ST6GALNAC5: variants seen among roughly 807,000 people sequenced by gnomAD.
ST6GALNAC5 encodes the protein ST6 N-acetylgalactosaminide alpha-2,6-sialyltransferase 5, also known as alpha-N-acetylgalactosaminide alpha-2,6-sialyltransferase 5.
In ST6GALNAC5, 27 loss-of-function variants were observed where a neutral mutation model predicts 33.6. The ratio of observed to expected loss-of-function variants is 0.80; its 90% CI spans 0.59 to 1.11. The LOEUF (loss-of-function observed/expected upper bound fraction) is 1.11, where lower values mean the gene tolerates loss of function less well. Ranked by LOEUF, ST6GALNAC5 falls within the 50% of genes least tolerant of loss-of-function variation. ST6GALNAC5 has a pLI of 0.00. For missense variants in ST6GALNAC5, 428 were observed against 454.0 expected, an observed-to-expected ratio of 0.94 and a Z score of 0.52; for synonymous variants, 194 against 171.2, an observed-to-expected ratio of 1.13 and a Z score of -1.04.
chr1:76,914,356 G>A (rs1024465146), intron 2 of ST6GALNAC5, among the ~76,000 whole-genome samples: 6 of 152,038 alleles, frequency 3.9e-5, no homozygotes, highest in Admixed American at 2.0e-4. Flanking sequence ...AGTTCATGTG[G>A]AACCAAAAAA....
intron 3 of ST6GALNAC5, among the ~76,000 whole-genome samples, chr1:77,047,396 A>G (rs1385124832): frequency 6.6e-6 from 1 of 152,232 alleles, no homozygotes; most frequent in Non-Finnish European, 1.5e-5. Context: ...TTCAAACCCA[A>G]CAAAACAGTA....
chr1:77,031,649 G>C (rs1402459215), intron 2 of ST6GALNAC5, among the ~76,000 whole-genome samples: 1 of 152,154 alleles, frequency 6.6e-6, no homozygotes, highest in Non-Finnish European at 1.5e-5. Flanking sequence ...GGATAGTTTT[G>C]TCTCTTGCTC....
chr1:76,895,301 A>G (rs890604651), intron 2 of ST6GALNAC5, among the ~76,000 whole-genome samples: 34 of 151,922 alleles, frequency 2.2e-4, no homozygotes, highest in African/African-American at 7.5e-4. Flanking sequence ...TGGGGGGGTG[A>G]TATGGAGAGA....
chr1:77,016,515 A>G (rs1286634135), intron 2 of ST6GALNAC5, among the ~76,000 whole-genome samples: 1 of 151,852 alleles, frequency 6.6e-6, no homozygotes, highest in African/African-American at 2.4e-5. Flanking sequence ...GCACACTCAA[A>G]CATCCCCCAA....
intron 2 of ST6GALNAC5, among the ~76,000 whole-genome samples, chr1:76,902,038 A>G (rs79182013): frequency 0.023 from 3,550 of 152,206 alleles, 72 homozygotes; most frequent in Non-Finnish European, 0.037. Context: ...AAAATGATAC[A>G]TTGAGATCAT....
At chr1:76,965,875 A>G (rs1383757308) in intron 2 of ST6GALNAC5, among the ~76,000 whole-genome samples, 2 of 152,096 alleles carry the variant, frequency 1.3e-5, no homozygotes, top group Non-Finnish European at 2.9e-5. Context: ...ATCCTTTCCC[A>G]TTTCTTGCTT....
chr1:76,897,876 G>A (rs1160158768), intron 2 of ST6GALNAC5, among the ~76,000 whole-genome samples: 1 of 152,166 alleles, frequency 6.6e-6, no homozygotes, highest in Admixed American at 6.5e-5. Flanking sequence ...AGTTATAGAG[G>A]CAAGGGAAAC....
At chr1:77,052,063 T>C (rs1652238001) in intron 4 of ST6GALNAC5, among the ~76,000 whole-genome samples, 1 of 152,148 alleles carries the variant, frequency 6.6e-6, no homozygotes, top group Non-Finnish European at 1.5e-5. Flanking sequence ...AACAAAGAAA[T>C]TAAGATAATG....
rs1310139187 is a variant in ST6GALNAC5 at position 77,044,533 on chromosome 1, C to G, written c.591C>G (p.Pro197=). The G allele has an allele frequency of 6.2e-7, 1 of 1,609,360 alleles. No individual in the cohort carries two copies. The highest frequency in any genetic ancestry group is 1.1e-5 in the South Asian group (1 of 90,492). Residue 197 remains proline (P), a synonymous_variant, in exon 3 of 5, where the codon CCC becomes CCG. Coordinates refer to ENST00000477717, the MANE Select transcript of ST6GALNAC5 (RefSeq NM_030965.3). ...TGCATCTCCTGAGCCAGGTGCTGCC[C>G]CGGCTGAAGGCCTTCATGATTACTC... ...NNLHLLSQVL[P]RLKAFMITRH...
At chr1:76,961,341 C>T (rs1397791154) in intron 2 of ST6GALNAC5, among the ~76,000 whole-genome samples, 5 of 152,112 alleles carry the variant, frequency 3.3e-5, no homozygotes, top group Non-Finnish European at 5.9e-5. Context: ...AGCTATCCTG[C>T]TTACAATTGT....
rs560627317 is a variant in ST6GALNAC5 at position 76,951,390 on chromosome 1, C to T, written c.261+82648C>T. 5.3e-5 allele frequency among the ~76,000 whole-genome samples: 8 copies of T among 152,164 alleles called. No homozygotes were observed. The East Asian group carries it at 5.8e-4, about 11-fold the overall frequency. The stretch of plus-strand genomic sequence containing the variant: ...GTGTCAAGGACAGAAAACCAAACAC[C>T]GCACATTCTCACTCATAAGTGGGAG... On this transcript the variant is annotated intron_variant, in intron 2 of 4. Coordinates refer to ENST00000477717, the MANE Select transcript of ST6GALNAC5 (RefSeq NM_030965.3).
intron 4 of ST6GALNAC5, among the ~76,000 whole-genome samples, chr1:77,056,640 G>A (rs866736763): frequency 9.2e-5 from 14 of 152,320 alleles, no homozygotes; most frequent in Middle Eastern, 3.4e-3. Flanking sequence ...ACAGTCCACC[G>A]GGTAGAATCG....
Position 77,016,194 on chromosome 1 carries a change from G to C in ST6GALNAC5, c.262-28010G>C, listed in dbSNP as rs112872737. Among the ~76,000 whole-genome samples the C allele has an allele frequency of 3.4e-3, 54 of 16,096 alleles. 11 individuals are homozygous for C. The highest frequency in any genetic ancestry group is 4.1e-3 in the Non-Finnish European group (38 of 9,380). The allele number at this position is 16,096 out of a possible 152,430, so 10.6% of individuals were successfully genotyped here. On this transcript the variant is annotated intron_variant, in intron 2 of 4. Coordinates refer to ENST00000477717, the MANE Select transcript of ST6GALNAC5 (RefSeq NM_030965.3). ...CTCCTGTCCTCCCCCTCCTCCTCCT[G>C]TATCTCCTCCCCCTCCTCCTCCTGT... is the stretch of plus-strand genomic sequence containing the variant.
At chr1:77,043,860 G>T (rs889980264) in intron 2 of ST6GALNAC5, among the ~76,000 whole-genome samples, 2 of 152,180 alleles carry the variant, frequency 1.3e-5, no homozygotes, top group Admixed American at 6.5e-5. Flanking sequence ...GGACAAATTT[G>T]TTAACATCTC....
intron 2 of ST6GALNAC5, among the ~76,000 whole-genome samples, chr1:76,884,912 G>C (rs1364135434): frequency 6.6e-6 from 1 of 152,080 alleles, no homozygotes; most frequent in African/African-American, 2.4e-5. Flanking sequence ...CTTTTTTCTG[G>C]AATAAGAACT....
intron 2 of ST6GALNAC5, among the ~76,000 whole-genome samples, chr1:76,978,998 A>T (rs1168423171): frequency 6.6e-6 from 1 of 152,198 alleles, no homozygotes; most frequent in Non-Finnish European, 1.5e-5. Context: ...TCTCTGAAAA[A>T]GAAATCAAGA....
At chr1:77,058,245 C>T (rs531166713) in intron 4 of ST6GALNAC5, among the ~76,000 whole-genome samples, 8 of 152,344 alleles carry the variant, frequency 5.3e-5, no homozygotes, top group African/African-American at 1.7e-4. Context: ...TCCTCGTCTG[C>T]AGAGTAGGGG....
At chr1:76,955,134 AACAG>A (rs780542043) in intron 2 of ST6GALNAC5, among the ~76,000 whole-genome samples, 1 of 152,172 alleles carries the variant, frequency 6.6e-6, no homozygotes, top group Non-Finnish European at 1.5e-5. Flanking sequence ...TAGTGGTTTA[AACAG>A]ACAAACCCAA....
intron 3 of ST6GALNAC5, among the ~76,000 whole-genome samples, chr1:77,048,441 T>G (rs1652088304): frequency 6.6e-6 from 1 of 152,188 alleles, no homozygotes; most frequent in South Asian, 2.1e-4. Flanking sequence ...TGAAAACAGC[T>G]TCTAACTTAA....
Sources: gnomAD v4.1 joint callset for allele counts (sites outside exome capture counted in the v4.1 genomes callset) on GRCh38, gnomAD v4.1.1 for gene constraint, MANE v1.5 for transcripts, NCBI Gene and HGNC (gene_info 2026-07-23, HGNC 2026-07-21) for gene names.